Variants in DSCAM observed in about 807,000 individuals in gnomAD.
The protein encoded by DSCAM is DS cell adhesion molecule, also known as cell adhesion molecule DSCAM.
DSCAM carries 47 observed loss-of-function variants against 217.7 expected under a neutral mutation model. The observed-to-expected ratio is 0.22, with a 90% CI of 0.17 to 0.28. The LOEUF is 0.28. Ranked by LOEUF, DSCAM falls within the 10% of genes least tolerant of loss-of-function variation. The pLI is 1.00. For synonymous variants in DSCAM, 1,056 were observed against 1,015.3 expected, an observed-to-expected ratio of 1.04 and a Z score of -0.76; for missense variants, 2,080 against 2,618.3, an observed-to-expected ratio of 0.79 and a Z score of 4.49.
chr21:40,552,699 A>C (rs1177379079), intron 3 of DSCAM, among the ~76,000 whole-genome samples: 1 of 152,218 alleles, frequency 6.6e-6, no homozygotes, highest in Non-Finnish European at 1.5e-5. Flanking sequence ...AACACAGCTG[A>C]CCAAATCTAC....
Position 40,789,095 on chromosome 21 carries a change from C to T in DSCAM, c.43+57524G>A, listed in dbSNP as rs1178640980. 4.6e-5 allele frequency among the ~76,000 whole-genome samples: 7 copies of T among 152,172 alleles called. No individual in the cohort carries two copies. The South Asian group carries it at 1.2e-3, about 27-fold the overall frequency. On this transcript the variant is annotated intron_variant, in intron 1 of 32. Coordinates refer to ENST00000400454, the MANE Select transcript of DSCAM (RefSeq NM_001389.5). ...TGTGAAAAGCATTTTGCTACAAACG[C>T]TTCATCTTATCCTTTGGGAGAATCA...
intron 3 of DSCAM, among the ~76,000 whole-genome samples, chr21:40,402,400 A>C (rs952474690): frequency 6.6e-6 from 1 of 151,986 alleles, no homozygotes; most frequent in African/African-American, 2.4e-5. Context: ...AAATGGTATT[A>C]GATTCCTAAG....
chr21:40,741,588 C>A (rs1306865520), intron 1 of DSCAM, among the ~76,000 whole-genome samples: 1 of 152,088 alleles, frequency 6.6e-6, no homozygotes, highest in Non-Finnish European at 1.5e-5. Context: ...GTGTGTTTAA[C>A]AAGTCCACTG....
At chr21:40,748,895 T>C (rs921200608) in intron 1 of DSCAM, among the ~76,000 whole-genome samples, 3 of 152,096 alleles carry the variant, frequency 2.0e-5, no homozygotes, top group African/African-American at 7.2e-5. Context: ...CATTGATGAA[T>C]GTGACAAAAT....
chr21:40,193,356 G>T (rs927665549), intron 11 of DSCAM, among the ~76,000 whole-genome samples: 2 of 59,056 alleles, frequency 3.4e-5, no homozygotes, highest in East Asian at 3.9e-4. Flanking sequence ...TTTCTCATAC[G>T]GGAAAGAGGC....
intron 1 of DSCAM, among the ~76,000 whole-genome samples, chr21:40,801,885 CA>C (rs1036557391): frequency 8.3e-4 from 126 of 152,122 alleles, no homozygotes; most frequent in African/African-American, 2.8e-3. Flanking sequence ...GGACTTGTCA[CA>C]GGGGGGGTTG....
intron 3 of DSCAM, among the ~76,000 whole-genome samples, chr21:40,485,244 T>C (rs1048470223): frequency 3.4e-5 from 5 of 146,768 alleles, no homozygotes; most frequent in African/African-American, 1.3e-4. Flanking sequence ...TTTCTTTTTT[T>C]TTTTTTTTTT....
rs764273759 is a variant in DSCAM, at chr21:40,093,747, A to T, written c.3824T>A (p.Ile1275Asn). Residue 1275 changes from isoleucine to asparagine, a missense_variant, in exon 21 of 33, where the codon ATC becomes AAC. By Grantham distance (149) the Ile-to-Asn change is moderately radical. Coordinates refer to ENST00000400454, the MANE Select transcript of DSCAM (RefSeq NM_001389.5). ...TSAGRGNSSE[I>N]ITVEPLAKAP... ...TTTTGCTAGTGGCTCGACTGTGATG[A>T]TTTCACTGCTGTTGCCTCTTCCGGC... The T allele has an allele frequency of 1.2e-6, 2 of 1,613,790 alleles. No homozygotes were observed.
At chr21:40,632,603 C>A (rs1180402492) in intron 3 of DSCAM, among the ~76,000 whole-genome samples, 1 of 152,052 alleles carries the variant, frequency 6.6e-6, no homozygotes, top group African/African-American at 2.4e-5. Flanking sequence ...ACACTGAGCC[C>A]AAAATAAAAT....
At chr21:40,622,763 GCT>G (rs2089538411) in intron 3 of DSCAM, among the ~76,000 whole-genome samples, 1 of 151,894 alleles carries the variant, frequency 6.6e-6, no homozygotes, top group Non-Finnish European at 1.5e-5. Context: ...AGCAAACTCA[GCT>G]CTGTCTTCCC....
At position 40,295,981 on chromosome 21, in the gene DSCAM, T is replaced by C. The variant is rs2073949659; in HGVS notation, c.2182+74A>G. ...CTTGCAAGAAACTTCTCTGGAAATC[T>C]AGAAATGCTTATCTAATCCTTTAGA... is the stretch of plus-strand genomic sequence containing the variant. On this transcript the variant is annotated intron_variant, in intron 10 of 32. Transcript: ENST00000400454. The C allele has an allele frequency of 2.6e-6, 4 of 1,521,820 alleles. No individual in the cohort carries two copies. In the East Asian group the frequency reaches 7.0e-5, roughly 27 times the overall value. 94.3% of individuals were successfully genotyped at this position (1,521,820 alleles called of 1,614,324 possible).
intron 1 of DSCAM, among the ~76,000 whole-genome samples, chr21:40,712,469 CAAAAAAAAAA>C (rs571819417): frequency 3.7e-3 from 102 of 27,344 alleles, no homozygotes; most frequent in Non-Finnish European, 4.5e-3. Context: ...GACTCCGTCT[CAAAAAAAAAA>C]AAAAAAAAAA....
Position 40,066,133 on chromosome 21 carries a change from G to T in DSCAM, c.4889-3234C>A, listed in dbSNP as rs142721909. Among the ~76,000 whole-genome samples, 3 of 152,290 alleles carry T rather than the reference G, an allele frequency of 2.0e-5. No individual in the cohort carries two copies. The East Asian group carries it at 5.8e-4, about 29-fold the overall frequency. On this transcript the variant is annotated intron_variant, in intron 27 of 32. Coordinates refer to ENST00000400454, the MANE Select transcript of DSCAM (RefSeq NM_001389.5). ...GTTCCCTCCGCTTCCCTGGACCTCT[G>T]CCTTATATCTCAGACAGCCCTTCCC...
chr21:40,147,972 C>T (rs1427721419), intron 16 of DSCAM, among the ~76,000 whole-genome samples: 1 of 152,068 alleles, frequency 6.6e-6, no homozygotes, highest in Non-Finnish European at 1.5e-5. Context: ...AAGTAGATGA[C>T]CATCTTATTT....
chr21:40,172,579 T>G (rs1379194644), intron 15 of DSCAM, among the ~76,000 whole-genome samples: 1 of 152,220 alleles, frequency 6.6e-6, no homozygotes, highest in East Asian at 1.9e-4. Context: ...CTCCCAGAGC[T>G]GAGACTCAAG....
At chr21:40,795,050 C>G (rs1209863531) in intron 1 of DSCAM, among the ~76,000 whole-genome samples, 1 of 151,810 alleles carries the variant, frequency 6.6e-6, no homozygotes, top group Non-Finnish European at 1.5e-5. Context: ...GCTAGTTGAC[C>G]TGGATAGCTG....
chr21:40,474,186 G>A (rs982211081), intron 3 of DSCAM, among the ~76,000 whole-genome samples: 5 of 152,104 alleles, frequency 3.3e-5, no homozygotes, highest in Non-Finnish European at 5.9e-5. Flanking sequence ...CCAGCTACTT[G>A]GGAGGCTGAG....
At chr21:40,420,630 A>T (rs1255102511) in intron 3 of DSCAM, among the ~76,000 whole-genome samples, 2 of 152,208 alleles carry the variant, frequency 1.3e-5, no homozygotes, top group Non-Finnish European at 2.9e-5. Flanking sequence ...ATTTGAGAAT[A>T]CTGTCCTTGC....
rs755351006 is a variant in DSCAM, at chr21:40,692,799, G to C, written c.508+11C>G. The C allele has an allele frequency of 4.8e-5, 77 of 1,608,290 alleles. No homozygotes were observed. In the Admixed American group the frequency reaches 1.1e-3, roughly 23 times the overall value. On this transcript the variant is annotated intron_variant, in intron 3 of 32. Coordinates refer to ENST00000400454, the MANE Select transcript of DSCAM (RefSeq NM_001389.5). The stretch of plus-strand genomic sequence containing the variant: ...GCGTGGTGTCCTGCACCCTGGAGAC[G>C]CAAAGCCTACCTGAGACAAGTGAAA...
Sources: allele counts gnomAD v4.1 joint callset (sites outside exome capture counted in the v4.1 genomes callset), GRCh38; gene constraint gnomAD v4.1.1; transcripts MANE v1.5; gene names NCBI Gene and HGNC (gene_info 2026-07-23, HGNC 2026-07-21).